The following OSTN variants were observed in gnomAD, a reference collection of about 807,000 sequenced individuals.
The protein encoded by OSTN is osteocrin.
A neutral mutation model predicts 12.0 loss-of-function variants in OSTN; 9 were observed. The observed-to-expected ratio is 0.75, with a 90% CI of 0.45 to 1.30. The LOEUF (loss-of-function observed/expected upper bound fraction) is 1.30. Ranked by LOEUF, OSTN falls within the 50% of genes most tolerant of loss-of-function variation. The pLI, the probability that OSTN is intolerant of heterozygous loss-of-function variation, is 0.00. For missense variants in OSTN, 148 were observed against 152.3 expected (o/e 0.97, Z 0.15); for synonymous variants, 59 against 56.9 (o/e 1.04, Z -0.16).
intron 3 of OSTN, among the ~76,000 whole-genome samples, chr3:191,240,178 A>T (rs1362880830): frequency 6.6e-6 from 1 of 152,172 alleles, no homozygotes; most frequent in African/African-American, 2.4e-5. Context: ...TGGAATTTGA[A>T]TTTAAATTTT....
rs552272614 is a variant in OSTN at position 191,264,476 on chromosome 3, A to G, written c.*1623A>G. The G allele has an allele frequency of 3.9e-5, 6 of 152,278 alleles. No individual in the cohort carries two copies. In the South Asian group the frequency reaches 1.2e-3, roughly 32 times the overall value. The allele number at this position is 152,278 out of a possible 1,614,324, so 9.4% of individuals were successfully genotyped here. Reference sequence around the variant, plus strand: ...AAAATTAATTTAGGAAAAATAGTAAATAATTTTTTTTCATTGTAGTAGAGG... The same window carrying G: ...AAAATTAATTTAGGAAAAATAGTAAGTAATTTTTTTTCATTGTAGTAGAGG... On this transcript the variant is annotated 3_prime_UTR_variant, in exon 5 of 5. Coordinates refer to ENST00000682035, the MANE Select transcript of OSTN (RefSeq NM_198184.2).
Position 191,265,025 on chromosome 3 carries a change from T to C in OSTN, c.*2172T>C, listed in dbSNP as rs1288776828. On this transcript the variant is annotated 3_prime_UTR_variant, in exon 5 of 5. Transcript: ENST00000682035. ...AAAATGTTTTCTCCACTTATAACTC[T>C]ATTTTATTTCATATTTTAATTTTTA... 1 of 152,186 alleles carries C rather than the reference T, an allele frequency of 6.6e-6. No homozygotes were observed. The allele number at this position is 152,186 out of a possible 1,614,324, so 9.4% of individuals were successfully genotyped here.
intron 3 of OSTN, 30 bp downstream of exon 3, chr3:191,218,991 A>T: frequency 1.3e-6 from 2 of 1,549,896 alleles, no homozygotes; most frequent in Non-Finnish European, 1.8e-6. Flanking sequence ...GAAAGTTTTT[A>T]TTTTCTAATT....
intron 1 of OSTN, among the ~76,000 whole-genome samples, chr3:191,203,880 T>TTTTA (rs1452767063): frequency 1.4e-4 from 22 of 152,034 alleles, no homozygotes; most frequent in Admixed American, 5.2e-4. Context: ...ATTCCTGATA[T>TTTTA]TTTATTTATT....
chr3:191,217,678 A>G (rs1714652252), intron 2 of OSTN, among the ~76,000 whole-genome samples: 1 of 152,382 alleles, frequency 6.6e-6, no homozygotes, highest in South Asian at 2.1e-4. Flanking sequence ...CAAAGTGGCA[A>G]TATGTGTAAG....
At chr3:191,223,195 A>C (rs1560117214) in intron 3 of OSTN, among the ~76,000 whole-genome samples, 1 of 152,156 alleles carries the variant, frequency 6.6e-6, no homozygotes, top group African/African-American at 2.4e-5. Context: ...CTCAGCTTGC[A>C]AGAAAAAAGG....
intron 3 of OSTN, among the ~76,000 whole-genome samples, chr3:191,240,722 T>C (rs1216884827): frequency 6.6e-6 from 1 of 152,240 alleles, no homozygotes; most frequent in Non-Finnish European, 1.5e-5. Context: ...AATGGCCCAC[T>C]CACTTGGCTG....
chr3:191,242,155 A>AC (rs1715334810), intron 3 of OSTN, among the ~76,000 whole-genome samples: 1 of 152,198 alleles, frequency 6.6e-6, no homozygotes, highest in Non-Finnish European at 1.5e-5. Context: ...ATAAAGCTAA[A>AC]CCCCCACCTA....
chr3:191,250,164 T>G, intron 4 of OSTN, 31 bp downstream of exon 4: 4 of 1,449,230 alleles, frequency 2.8e-6, no homozygotes, highest in Non-Finnish European at 3.9e-6. Context: ...TAACAGTATA[T>G]GCAGGTATTT....
At chr3:191,246,043 G>A (rs2108549650) in intron 3 of OSTN, among the ~76,000 whole-genome samples, 1 of 136,020 alleles carries the variant, frequency 7.4e-6, no homozygotes, top group African/African-American at 2.8e-5. Context: ...CTCCAGCCTG[G>A]GCAATAAGAG....
chr3:191,246,443 T>C (rs1715433183), intron 3 of OSTN, among the ~76,000 whole-genome samples: 1 of 151,544 alleles, frequency 6.6e-6, no homozygotes. Context: ...CTGTCTCTGC[T>C]AAAAATACAA....
intron 3 of OSTN, among the ~76,000 whole-genome samples, chr3:191,220,643 C>A (rs1312316049): frequency 1.3e-5 from 2 of 151,952 alleles, no homozygotes; most frequent in East Asian, 1.9e-4. Context: ...GTAAGTATAT[C>A]AAAAATAAAT....
chr3:191,242,781 T>C (rs1715349972), intron 3 of OSTN, among the ~76,000 whole-genome samples: 1 of 152,074 alleles, frequency 6.6e-6, no homozygotes, highest in Non-Finnish European at 1.5e-5. Context: ...CTTCATAATA[T>C]TAGGGTAGAG....
intron 3 of OSTN, among the ~76,000 whole-genome samples, chr3:191,236,123 A>C (rs1309339569): frequency 6.6e-6 from 1 of 152,202 alleles, no homozygotes; most frequent in Non-Finnish European, 1.5e-5. Context: ...AGTTTGTAGC[A>C]ACCTCCTTTG....
chr3:191,201,452 T>C (rs1714150686), intron 1 of OSTN, among the ~76,000 whole-genome samples: 1 of 152,204 alleles, frequency 6.6e-6, no homozygotes, highest in South Asian at 2.1e-4. Context: ...GCTATAAATA[T>C]GTGAAAATTC....
At chr3:191,223,780 A>G (rs1576928384) in intron 3 of OSTN, among the ~76,000 whole-genome samples, 1 of 152,118 alleles carries the variant, frequency 6.6e-6, no homozygotes, top group East Asian at 1.9e-4. Flanking sequence ...GAATACAGAG[A>G]AATCCTGTAT....
At chr3:191,217,765 A>G (rs533492890) in intron 2 of OSTN, among the ~76,000 whole-genome samples, 1 of 152,338 alleles carries the variant, frequency 6.6e-6, no homozygotes, top group East Asian at 1.9e-4. Context: ...AGTATTTGTT[A>G]ATAAATCACA....
At chr3:191,252,895 T>C (rs1715592026) in intron 4 of OSTN, among the ~76,000 whole-genome samples, 1 of 152,250 alleles carries the variant, frequency 6.6e-6, no homozygotes, top group African/African-American at 2.4e-5. Flanking sequence ...CATTAAATAC[T>C]GTTCACACAG....
At position 191,218,433 on chromosome 3, in the gene OSTN, C is replaced by G. The variant is rs566983147; in HGVS notation, c.103-314C>G. 1.8e-3 allele frequency among the ~76,000 whole-genome samples: 277 copies of G among 152,178 alleles called. 5 individuals are homozygous for G. The highest frequency in any genetic ancestry group is 0.015 in the Admixed American group (227 of 15,276). ...GGTCAGGAGTTCGAGACCAGCCTGG[C>G]CAACATGGTGAAACCCCATCTCTAC... On this transcript the variant is annotated intron_variant, in intron 2 of 4. Coordinates refer to ENST00000682035, the MANE Select transcript of OSTN (RefSeq NM_198184.2).
Sources: allele counts gnomAD v4.1 joint callset (sites outside exome capture counted in the v4.1 genomes callset), GRCh38; gene constraint gnomAD v4.1.1; transcripts MANE v1.5; gene names NCBI Gene and HGNC (gene_info 2026-07-23, HGNC 2026-07-21).